HTT: variants seen among roughly 807,000 people sequenced by gnomAD.
HTT encodes huntingtin, also known as huntington disease protein.
Under a neutral mutation model 362.3 loss-of-function variants are expected in HTT, and 104 were observed. The ratio of observed to expected loss-of-function variants is 0.29; its 90% CI spans 0.24 to 0.34. HTT has a LOEUF of 0.34. Among genes scored for constraint, HTT ranks in the 10% least tolerant of loss-of-function variants. The pLI is 1.00. For missense variants in HTT, 3,301 were observed against 3,928.6 expected (o/e 0.84, Z 4.27); for synonymous variants, 1,577 against 1,548.7 (o/e 1.02, Z -0.43).
chr4:3,129,160 A>G (rs1013109616), intron 12 of HTT: 3 of 152,182 alleles, frequency 2.0e-5, no homozygotes, highest in Non-Finnish European at 1.5e-5. Flanking sequence ...TCCTCTGTCC[A>G]TGGACACTTG....
intron 6 of HTT, among the ~76,000 whole-genome samples, chr4:3,111,576 G>A (rs1331740932): frequency 2.6e-5 from 4 of 152,172 alleles, no homozygotes; most frequent in African/African-American, 9.7e-5. Context: ...CTGCTTGGAG[G>A]CTATAAGCTT....
chr4:3,098,237 T>G (rs1713964547), intron 2 of HTT, among the ~76,000 whole-genome samples: 1 of 152,260 alleles, frequency 6.6e-6, no homozygotes, highest in African/African-American at 2.4e-5. Flanking sequence ...GAAATACTGC[T>G]AAGTGGCATG....
intron 52 of HTT, among the ~76,000 whole-genome samples, chr4:3,219,096 G>T (rs561075037): frequency 1.3e-5 from 2 of 152,366 alleles, no homozygotes; most frequent in South Asian, 4.1e-4. Flanking sequence ...GTGCCTGGCG[G>T]TGCTGGAAGC....
chr4:3,221,301 C>T (rs917921464), intron 53 of HTT, among the ~76,000 whole-genome samples: 4 of 152,228 alleles, frequency 2.6e-5, no homozygotes. Context: ...CCAGCTGCCT[C>T]ACGGAGCTCC....
chr4:3,090,364 A>G (rs1018961170), intron 2 of HTT, among the ~76,000 whole-genome samples: 4 of 152,212 alleles, frequency 2.6e-5, no homozygotes, highest in African/African-American at 9.6e-5. Context: ...TTTCCCAAAC[A>G]TACTTCTGCA....
Position 3,211,919 on chromosome 4 carries a change from C to A in HTT, c.6415-10C>A. On this transcript the variant is annotated splice_polypyrimidine_tract_variant and intron_variant, in intron 47 of 66. Transcript: ENST00000355072. Reference sequence around the variant, plus strand: ...TTATTGTTTGTTAACCTTTAATGCTCTGATTTCAGGAGTTCAACCTAAGCC... The same window carrying A: ...TTATTGTTTGTTAACCTTTAATGCTATGATTTCAGGAGTTCAACCTAAGCC... The A allele has an allele frequency of 6.2e-7, 1 of 1,603,600 alleles. No homozygotes were observed. The highest frequency in any genetic ancestry group is 1.1e-5 in the South Asian group (1 of 90,818).
At chr4:3,104,314 A>C (rs1229013357) in intron 4 of HTT, among the ~76,000 whole-genome samples, 4 of 151,546 alleles carry the variant, frequency 2.6e-5, no homozygotes, top group Non-Finnish European at 4.4e-5. Flanking sequence ...GTACATTTTA[A>C]AATAACTAAA....
chr4:3,228,595 G>A lies in HTT; in HGVS notation c.7849-20G>A, dbSNP rs368488685. The A allele has an allele frequency of 2.6e-5, 40 of 1,545,420 alleles. No individual in the cohort carries two copies. Among genetic ancestry groups the A allele is most frequent in the Non-Finnish European group, 3.4e-5 (39 of 1,146,334 alleles). On this transcript the variant is annotated intron_variant, in intron 57 of 66. Transcript: ENST00000355072. The surrounding 1 kb of genome is among the most constrained non-coding windows in gnomAD (Gnocchi z 4.3). ...GGCACTGTGGCCGCAGCACTGAGCA[G>A]TGCCCCGTTTCTGTGGCAGGTGTCC...
At chr4:3,079,477 G>A (rs1223312861) in intron 1 of HTT, among the ~76,000 whole-genome samples, 1 of 152,122 alleles carries the variant, frequency 6.6e-6, no homozygotes, top group Non-Finnish European at 1.5e-5. Flanking sequence ...GTGTAAGGGT[G>A]TATGAAGTAG....
At chr4:3,092,914 C>G (rs1190506864) in intron 2 of HTT, among the ~76,000 whole-genome samples, 1 of 152,118 alleles carries the variant, frequency 6.6e-6, no homozygotes, top group Non-Finnish European at 1.5e-5. Context: ...GTGGAGAGCC[C>G]TACAATTTCC....
intron 60 of HTT, among the ~76,000 whole-genome samples, chr4:3,232,808 C>T (rs978776949): frequency 1.3e-5 from 2 of 152,228 alleles, no homozygotes; most frequent in African/African-American, 4.8e-5. Context: ...CAGGAAAGCA[C>T]ACTAGAGACT....
At chr4:3,150,807 C>T (rs13118438) in intron 26 of HTT, among the ~76,000 whole-genome samples, 1 of 152,156 alleles carries the variant, frequency 6.6e-6, no homozygotes. Context: ...GAGGCCGAGA[C>T]CAGTGCATCA....
chr4:3,181,845 A>T (rs142590786), intron 36 of HTT, among the ~76,000 whole-genome samples: 49 of 152,250 alleles, frequency 3.2e-4, no homozygotes, highest in Middle Eastern at 3.4e-3. Context: ...TGAGCTCTGG[A>T]TATGTCTGTT....
chr4:3,227,980 A>C (rs1721000081), intron 57 of HTT, among the ~76,000 whole-genome samples: 1 of 152,026 alleles, frequency 6.6e-6, no homozygotes. Context: ...CTCCTCGCCC[A>C]CTCCCTGCAG....
At position 3,172,266 on chromosome 4, in the gene HTT, G is replaced by T; in HGVS notation, c.3865-54G>T. On this transcript the variant is annotated intron_variant, in intron 29 of 66. Coordinates refer to ENST00000355072, the MANE Select transcript of HTT (RefSeq NM_001388492.1). ...TACCTTCAATTTCTGTCTAGGATTC[G>T]TACAATAACGGGTCATCTCTGAGTC... The T allele has an allele frequency of 1.8e-5, 18 of 978,354 alleles. No individual in the cohort carries two copies. The South Asian group carries it at 2.2e-4, about 12-fold the overall frequency. The allele number at this position is 978,354 out of a possible 1,614,324, so 60.6% of individuals were successfully genotyped here.
At chr4:3,126,040 C>CT (rs1167091040) in intron 11 of HTT, among the ~76,000 whole-genome samples, 4 of 152,002 alleles carry the variant, frequency 2.6e-5, no homozygotes, top group African/African-American at 9.7e-5. Flanking sequence ...AGATAGTTAT[C>CT]TTTTTTCTTT....
intron 38 of HTT, 73 bp from the exon 39 acceptor site, chr4:3,187,577 CA>C (rs1718826298): frequency 1.0e-5 from 11 of 1,057,738 alleles, no homozygotes; most frequent in Non-Finnish European, 8.7e-6. Context: ...TTTTCTTTCA[CA>C]AAATTGGCAA....
At chr4:3,193,625 T>C (rs1454519249) in intron 40 of HTT, among the ~76,000 whole-genome samples, 1 of 152,268 alleles carries the variant, frequency 6.6e-6, no homozygotes, top group South Asian at 2.1e-4. Flanking sequence ...GTTGAAGTGT[T>C]GTCCAATAGG....
rs1025287584 is a variant in HTT at position 3,234,645 on chromosome 4, C to T, written c.8457-639C>T. Among the ~76,000 whole-genome samples the T allele has an allele frequency of 4.6e-5, 7 of 152,336 alleles. No individual in the cohort carries two copies. In the East Asian group the frequency reaches 1.4e-3, roughly 29 times the overall value. On this transcript the variant is annotated intron_variant, in intron 61 of 66. Transcript: ENST00000355072. ...TGGGATGCAGAGAGCTTGTGGCATC[C>T]AGGTAGAAATGGTGCGTGGGGCTGA...
Sources: gnomAD v4.1 joint callset for allele counts (sites outside exome capture counted in the v4.1 genomes callset) on GRCh38, gnomAD v4.1.1 for gene constraint, Gnocchi (gnomAD v3.1) non-coding constraint, MANE v1.5 for transcripts, NCBI Gene and HGNC (gene_info 2026-07-23, HGNC 2026-07-21) for gene names.